NR3C2: variants seen among roughly 807,000 people sequenced by gnomAD.
The protein encoded by NR3C2 is mineralocorticoid receptor.
In NR3C2, 15 loss-of-function variants were observed where a neutral mutation model predicts 86.4. The observed-to-expected ratio is 0.17, with a 90% CI of 0.12 to 0.27. NR3C2 has a LOEUF of 0.27. Among genes scored for constraint, NR3C2 ranks in the 10% least tolerant of loss-of-function variants. The pLI is 1.00. For synonymous variants in NR3C2, 458 were observed against 450.5 expected (o/e 1.02, Z -0.21); for missense variants, 960 against 1,195.6 (o/e 0.80, Z 2.91).
At chr4:148,155,592 C>A (rs1305893210) in intron 4 of NR3C2, among the ~76,000 whole-genome samples, 1 of 152,064 alleles carries the variant, frequency 6.6e-6, no homozygotes, top group African/African-American at 2.4e-5. Flanking sequence ...AACTACAAAC[C>A]ACTGCTCAAG....
chr4:148,176,059 C>T (rs1194243151), intron 4 of NR3C2, among the ~76,000 whole-genome samples: 4 of 152,074 alleles, frequency 2.6e-5, no homozygotes, highest in Non-Finnish European at 4.4e-5. Flanking sequence ...CCATCAGATG[C>T]AAAGAGTTTC....
intron 4 of NR3C2, among the ~76,000 whole-genome samples, chr4:148,193,057 G>A (rs940019677): frequency 2.6e-5 from 4 of 152,196 alleles, no homozygotes; most frequent in African/African-American, 9.7e-5. Flanking sequence ...TCCTTGTGGA[G>A]TTTTACCCCC....
chr4:148,233,704 G>C (rs1738585549), intron 3 of NR3C2, among the ~76,000 whole-genome samples: 1 of 152,096 alleles, frequency 6.6e-6, no homozygotes, highest in African/African-American at 2.4e-5. Context: ...GAGATGGAGG[G>C]AATGGCTGGT....
chr4:148,150,355 T>C (rs1734048652), intron 6 of NR3C2, among the ~76,000 whole-genome samples: 1 of 152,224 alleles, frequency 6.6e-6, no homozygotes, highest in African/African-American at 2.4e-5. Flanking sequence ...TTAACATATA[T>C]TCCTAGTTTG....
intron 2 of NR3C2, among the ~76,000 whole-genome samples, chr4:148,268,933 G>C (rs945060048): frequency 2.7e-5 from 4 of 149,660 alleles, no homozygotes; most frequent in Admixed American, 6.7e-5. Context: ...AATGAATAAA[G>C]GCCTAGTGAA....
intron 2 of NR3C2, among the ~76,000 whole-genome samples, chr4:148,306,974 T>C (rs1222827809): frequency 1.3e-5 from 2 of 152,144 alleles, no homozygotes; most frequent in Admixed American, 1.3e-4. Context: ...CTTAAAACTA[T>C]TTCCTTAATT....
chr4:148,188,557 G>A (rs1736043935), intron 4 of NR3C2, among the ~76,000 whole-genome samples: 1 of 152,104 alleles, frequency 6.6e-6, no homozygotes, highest in African/African-American at 2.4e-5. Context: ...GTATAGAAGA[G>A]TTATTGATTT....
chr4:148,385,473 C>T (rs1422458451), intron 2 of NR3C2, among the ~76,000 whole-genome samples: 6 of 152,204 alleles, frequency 3.9e-5, no homozygotes, highest in African/African-American at 1.4e-4. Context: ...ATATTCCATA[C>T]AGAAACCTCA....
chr4:148,333,470 T>C (rs933747000), intron 2 of NR3C2, among the ~76,000 whole-genome samples: 2 of 151,936 alleles, frequency 1.3e-5, no homozygotes, highest in Non-Finnish European at 2.9e-5. Context: ...GATATAACCA[T>C]GTGACTAAGT....
intron 3 of NR3C2, among the ~76,000 whole-genome samples, chr4:148,257,943 A>C (rs1739909227): frequency 6.6e-6 from 1 of 152,210 alleles, no homozygotes; most frequent in South Asian, 2.1e-4. Context: ...AATGAAGGAA[A>C]AAGTTGCACC....
intron 2 of NR3C2, among the ~76,000 whole-genome samples, chr4:148,353,962 G>T (rs2149995820): frequency 1.3e-5 from 2 of 152,072 alleles, no homozygotes; most frequent in East Asian, 3.9e-4. Flanking sequence ...CCTTAAAAAT[G>T]GTATTACAGA....
In NR3C2 at chr4:148,080,788, G is replaced by A. The variant is rs984500558; in HGVS notation, c.*556C>T. The A allele has an allele frequency of 8.5e-5, 36 of 422,992 alleles. No individual in the cohort carries two copies. The highest frequency in any genetic ancestry group is 7.8e-4 in the Admixed American group (32 of 41,210). The allele number at this position is 422,992 out of a possible 1,614,324, so 26.2% of individuals were successfully genotyped here. ...GTGTATACCAGTGATGCAGAAGACC[G>A]TGGACGAGCGAGGGCTCAGAGGCAG... On this transcript the variant is annotated 3_prime_UTR_variant, in exon 9 of 9. Coordinates refer to ENST00000358102, the MANE Select transcript of NR3C2 (RefSeq NM_000901.5).
chr4:148,394,930 A>G (rs1198695984), intron 2 of NR3C2, among the ~76,000 whole-genome samples: 1 of 152,116 alleles, frequency 6.6e-6, no homozygotes, highest in African/African-American at 2.4e-5. Flanking sequence ...CATAGGGAGG[A>G]AAAAAAGATC....
At chr4:148,153,843 C>A (rs1734218361) in intron 5 of NR3C2, among the ~76,000 whole-genome samples, 2 of 152,094 alleles carry the variant, frequency 1.3e-5, no homozygotes, top group African/African-American at 4.8e-5. Context: ...ACTTGCTAGG[C>A]CTTGCCTTAC....
At chr4:148,431,002 AAAGTCT>A (rs1749776394) in intron 2 of NR3C2, among the ~76,000 whole-genome samples, 1 of 152,216 alleles carries the variant, frequency 6.6e-6, no homozygotes, top group Non-Finnish European at 1.5e-5. Flanking sequence ...TTTACATTTA[AAAGTCT>A]AAGTCAATGT....
intron 2 of NR3C2, among the ~76,000 whole-genome samples, chr4:148,407,434 A>G (rs569238801): frequency 6.6e-6 from 1 of 152,298 alleles, no homozygotes; most frequent in South Asian, 2.1e-4. Flanking sequence ...TATAAAAATA[A>G]TTTTATCATG....
At chr4:148,096,545 C>A (rs1731283757) in intron 8 of NR3C2, among the ~76,000 whole-genome samples, 1 of 152,120 alleles carries the variant, frequency 6.6e-6, no homozygotes, top group Admixed American at 6.5e-5. Flanking sequence ...CAAGGTGTCT[C>A]AAGGCAATAG....
chr4:148,299,506 C>T (rs540409084), intron 2 of NR3C2, among the ~76,000 whole-genome samples: 10 of 152,248 alleles, frequency 6.6e-5, no homozygotes, highest in South Asian at 6.2e-4. Flanking sequence ...GGGCAAGCAG[C>T]GGCTCCCGGA....
chr4:148,309,575 C>T (rs796758249), intron 2 of NR3C2, among the ~76,000 whole-genome samples: 1 of 56,004 alleles, frequency 1.8e-5, no homozygotes. Flanking sequence ...TAGAATTAGA[C>T]TTCAGAATCT....
Sources: gnomAD v4.1 joint callset for allele counts (sites outside exome capture counted in the v4.1 genomes callset) on GRCh38, gnomAD v4.1.1 for gene constraint, MANE v1.5 for transcripts, NCBI Gene and HGNC (gene_info 2026-07-23, HGNC 2026-07-21) for gene names.